PRPF31: variants seen among roughly 807,000 people sequenced by gnomAD.
PRPF31 encodes pre-mRNA processing factor 31.
A neutral mutation model predicts 60.4 loss-of-function variants in PRPF31; 12 were observed. That is an observed-to-expected ratio of 0.20 (90% CI 0.13 to 0.32). The LOEUF is 0.32. Ranked by LOEUF, PRPF31 falls within the 10% of genes least tolerant of loss-of-function variation. PRPF31 has a pLI of 1.00. For missense variants in PRPF31, 431 were observed against 687.1 expected, an observed-to-expected ratio of 0.63 and a Z score of 4.17; for synonymous variants, 287 against 287.9, an observed-to-expected ratio of 1.00 and a Z score of 0.03.
chr19:54,126,481 G>C, intron 8 of PRPF31, 47 bp from the exon 9 acceptor site: 1 of 1,565,542 alleles, frequency 6.4e-7, no homozygotes, highest in South Asian at 1.1e-5. Context: ...TGTTACCTCT[G>C]TCTGTCTGTC....
rs1428233422 is a variant in PRPF31 at position 54,127,996 on chromosome 19, C to CG, written c.946-71dup. The stretch of plus-strand genomic sequence containing the variant: ...GATTTAACTAAGGCACGTGGATACT[C>CG]GGGGGGCCCGCTCAGAGGAGGCCTG... On this transcript the variant is annotated intron_variant, in intron 9 of 13. Coordinates refer to ENST00000321030, the MANE Select transcript of PRPF31 (RefSeq NM_015629.4). 5 of 1,542,476 alleles carry CG rather than the reference C, an allele frequency of 3.2e-6. No homozygotes were observed. The African/African-American group carries it at 5.5e-5, about 17-fold the overall frequency.
At position 54,128,394 on chromosome 19, in the gene PRPF31, G is replaced by T. The variant is rs940321360; in HGVS notation, c.1146+17G>T. Reference sequence around the variant, plus strand: ...TTCGGAGAGGTCAGACTCCCAGAGCGCCCTCCTCAACCCCACAGCCAGCCA... The same window carrying T: ...TTCGGAGAGGTCAGACTCCCAGAGCTCCCTCCTCAACCCCACAGCCAGCCA... On this transcript the variant is annotated intron_variant, in intron 11 of 13. Transcript: ENST00000321030. 6.5e-7 allele frequency: 1 copy of T among 1,545,122 alleles called. No homozygotes were observed. Among genetic ancestry groups the T allele is most frequent in the East Asian group, 2.5e-5 (1 of 40,764 alleles).
chr19:54,123,348 C>T, intron 5 of PRPF31, 106 bp from the exon 6 acceptor site: 1 of 865,418 alleles, frequency 1.2e-6, no homozygotes, highest in Non-Finnish European at 2.0e-6. Context: ...GAGACCCTGA[C>T]TGTCCCAGTG....
At position 54,128,062 on chromosome 19, in the gene PRPF31, G is replaced by A. The variant is rs746420860; in HGVS notation, c.946-11G>A. On this transcript the variant is annotated splice_polypyrimidine_tract_variant and intron_variant, in intron 9 of 13. Transcript: ENST00000321030. ...CGAGCAGCTGCAGGACCTCCCCCTC[G>A]CCCTCCCCAGGTGGGCTACGAACTG... 1.7e-5 allele frequency: 26 copies of A among 1,548,352 alleles called. No individual in the cohort carries two copies. The highest frequency in any genetic ancestry group is 9.5e-5 in the South Asian group (8 of 83,982).
At chr19:54,127,291 C>A (rs1201998561) in intron 9 of PRPF31, among the ~76,000 whole-genome samples, 1 of 152,112 alleles carries the variant, frequency 6.6e-6, no homozygotes, top group African/African-American at 2.4e-5. Flanking sequence ...GTCACTGGCA[C>A]CCCTTAGCTC....
chr19:54,122,682 C>T (rs1398457187), intron 5 of PRPF31, 88 bp downstream of exon 5: 3 of 1,053,256 alleles, frequency 2.8e-6, no homozygotes, highest in East Asian at 4.7e-5. Context: ...GCCTGAGGGT[C>T]TGGAGACGAT....
intron 5 of PRPF31, chr19:54,123,222 C>G: frequency 1.7e-6 from 1 of 603,476 alleles, no homozygotes. Flanking sequence ...CCACTCTGCC[C>G]GGGCTCCGTT....
chr19:54,126,398 G>C (rs1013509656), intron 8 of PRPF31, 130 bp from the exon 9 acceptor site: 1 of 811,510 alleles, frequency 1.2e-6, no homozygotes, highest in East Asian at 2.7e-5. Context: ...CACACCTCTA[G>C]AGCCCAAGGG....
intron 13 of PRPF31, among the ~76,000 whole-genome samples, chr19:54,130,717 G>T (rs587667363): frequency 4.7e-4 from 71 of 152,078 alleles, no homozygotes; most frequent in African/African-American, 1.6e-3. Context: ...GGAGCAGCCA[G>T]GGAGGGCCTC....
intron 10 of PRPF31, 36 bp from the exon 11 acceptor site, chr19:54,128,269 C>A: frequency 6.4e-7 from 1 of 1,553,960 alleles, no homozygotes; most frequent in South Asian, 1.2e-5. Context: ...CTCCTCCCAG[C>A]CGACTCCCTG....
rs587667004 is a variant in PRPF31, at chr19:54,118,215, A to T, written c.-8-56A>T. 70 of 1,611,564 alleles carry T rather than the reference A, an allele frequency of 4.3e-5. No individual in the cohort carries two copies. In the African/African-American group the frequency reaches 6.4e-4, roughly 15 times the overall value. ...TCTGGGGGAGAATCATCGCTCAGTA[A>T]TAAGGAGGGACTTTGTCGGGGCAAG... is the stretch of plus-strand genomic sequence containing the variant. On this transcript the variant is annotated intron_variant, in intron 1 of 13. Transcript: ENST00000321030.
At position 54,122,612 on chromosome 19, in the gene PRPF31, G is replaced by A. The variant is rs1473963126; in HGVS notation, c.420+18G>A. On this transcript the variant is annotated intron_variant, in intron 5 of 13. Coordinates refer to ENST00000321030, the MANE Select transcript of PRPF31 (RefSeq NM_015629.4). ...CGGTCAAGGTGAGCGCAGAGAAGGT[G>A]GGGTGCTTCTGCTGGCGTGAAGGGG... 3.7e-6 allele frequency: 6 copies of A among 1,605,554 alleles called. No individual in the cohort carries two copies. Among genetic ancestry groups the A allele is most frequent in the Non-Finnish European group, 3.4e-6 (4 of 1,172,154 alleles).
intron 5 of PRPF31, chr19:54,123,144 G>C (rs1429562431): frequency 3.7e-6 from 2 of 544,594 alleles, no homozygotes; most frequent in East Asian, 6.4e-5. Flanking sequence ...GCAGGGAAGC[G>C]AGGCCGCGGA....
chr19:54,124,897 A>C, intron 8 of PRPF31: 39 of 581,070 alleles, frequency 6.7e-5, no homozygotes, highest in East Asian at 1.5e-4. Flanking sequence ...CCCCTATCAA[A>C]TGGGAGCACA....
intron 1 of PRPF31, among the ~76,000 whole-genome samples, chr19:54,116,593 C>T: frequency 6.6e-6 from 1 of 152,240 alleles, no homozygotes; most frequent in East Asian, 1.9e-4. Context: ...TTGTTCGCTA[C>T]CCTCTTAGAG....
rs770108631 is a variant in PRPF31, at chr19:54,126,453, C to G, written c.856-75C>G. The G allele has an allele frequency of 3.3e-5, 46 of 1,391,416 alleles. 1 individual carries two copies. The South Asian group carries it at 5.3e-4, about 16-fold the overall frequency. 86.2% of individuals were successfully genotyped at this position (1,391,416 alleles called of 1,614,324 possible). On this transcript the variant is annotated intron_variant, in intron 8 of 13. Transcript: ENST00000321030. ...ACCCCAGGTAGAGCCAGAGGAGGAG[C>G]GCGCGCGGTTGCTTTGCTGTTACCT...
At chr19:54,130,766 C>G (rs1255511741) in intron 13 of PRPF31, among the ~76,000 whole-genome samples, 1 of 152,206 alleles carries the variant, frequency 6.6e-6, no homozygotes, top group African/African-American at 2.4e-5. Flanking sequence ...CTTTCCAAGC[C>G]TCCCCTCCTC....
intron 11 of PRPF31, 103 bp downstream of exon 11, chr19:54,128,480 T>C: frequency 5.7e-6 from 7 of 1,217,974 alleles, no homozygotes; most frequent in East Asian, 2.5e-5. Flanking sequence ...CCCTGGCTCA[T>C]GTCTAGGGCG....
chr19:54,128,512 C>G (rs866692541), intron 11 of PRPF31, 135 bp downstream of exon 11: 49 of 929,808 alleles, frequency 5.3e-5, no homozygotes, highest in Non-Finnish European at 8.1e-5. Context: ...TCCCCCCCCC[C>G]GGCCTCTATT....
Sources: gnomAD v4.1 joint callset for allele counts (sites outside exome capture counted in the v4.1 genomes callset) on GRCh38, gnomAD v4.1.1 for gene constraint, MANE v1.5 for transcripts, NCBI Gene and HGNC (gene_info 2026-07-23, HGNC 2026-07-21) for gene names.